The following SYT1 variants were observed in gnomAD, a reference collection of about 807,000 sequenced individuals.
SYT1 encodes synaptotagmin 1, also known as synaptotagmin-1.
A neutral mutation model predicts 44.8 loss-of-function variants in SYT1; 8 were observed. That is an observed-to-expected ratio of 0.18 (90% CI 0.10 to 0.32). The LOEUF (loss-of-function observed/expected upper bound fraction) is 0.32, where lower values mean the gene tolerates loss of function less well. Among genes scored for constraint, SYT1 ranks in the 10% least tolerant of loss-of-function variants. The pLI is 1.00. For missense variants in SYT1, 286 were observed against 509.3 expected (o/e 0.56, Z 4.22); for synonymous variants, 154 against 188.8 (o/e 0.82, Z 1.51).
chr12:79,179,716 G>T (rs914297412), intron 3 of SYT1, among the ~76,000 whole-genome samples: 1 of 151,512 alleles, frequency 6.6e-6, no homozygotes, highest in Admixed American at 6.6e-5. Flanking sequence ...CACCATGCCT[G>T]GCTGAAAACA....
At chr12:79,218,352 A>T (rs939244745) in intron 4 of SYT1, among the ~76,000 whole-genome samples, 1 of 152,232 alleles carries the variant, frequency 6.6e-6, no homozygotes, top group Non-Finnish European at 1.5e-5. Flanking sequence ...TGTTCTCACC[A>T]CAAAAATAAC....
At chr12:79,345,282 G>A (rs971128295) in intron 8 of SYT1, among the ~76,000 whole-genome samples, 1 of 152,014 alleles carries the variant, frequency 6.6e-6, no homozygotes, top group Non-Finnish European at 1.5e-5. Flanking sequence ...AATTTATAAC[G>A]ATTATTGAGG....
At chr12:79,121,195 C>T (rs1592766223) in intron 3 of SYT1, among the ~76,000 whole-genome samples, 1 of 151,976 alleles carries the variant, frequency 6.6e-6, no homozygotes, top group South Asian at 2.1e-4. Flanking sequence ...TTTCCAATCA[C>T]GAGCATCCCA....
chr12:78,901,632 G>A (rs1274130335), intron 1 of SYT1, among the ~76,000 whole-genome samples: 1 of 152,116 alleles, frequency 6.6e-6, no homozygotes, highest in Non-Finnish European at 1.5e-5. Context: ...AATTTGAAGA[G>A]ATAATTTGCT....
rs138452225 is a variant in SYT1 at position 79,035,379 on chromosome 12, T to C, written c.-83-11918T>C. On this transcript the variant is annotated intron_variant, in intron 2 of 10. Coordinates refer to ENST00000261205, the MANE Select transcript of SYT1 (RefSeq NM_005639.3). ...CAACATCCTCCATCCTTATAGGAAATGTGCAGAGTTTAGGCAGTTACCTTA... is the reference window on the plus strand; with the variant it reads ...CAACATCCTCCATCCTTATAGGAAACGTGCAGAGTTTAGGCAGTTACCTTA... 2.7e-3 allele frequency among the ~76,000 whole-genome samples: 415 copies of C among 151,884 alleles called. 2 individuals are homozygous for C. Among genetic ancestry groups the C allele is most frequent in the African/African-American group, 9.5e-3 (394 of 41,512 alleles).
intron 8 of SYT1, among the ~76,000 whole-genome samples, chr12:79,300,892 G>A (rs1880119308): frequency 6.8e-6 from 1 of 146,162 alleles, no homozygotes; most frequent in Admixed American, 6.9e-5. Context: ...TAGCCCTACT[G>A]TGGATATTCA....
At chr12:79,360,965 G>A (rs1883295494) in intron 9 of SYT1, among the ~76,000 whole-genome samples, 1 of 152,182 alleles carries the variant, frequency 6.6e-6, no homozygotes, top group Non-Finnish European at 1.5e-5. Context: ...AAAAGTTTTA[G>A]AGAAATGAGC....
At chr12:78,887,403 C>A (rs564097130) in intron 1 of SYT1, among the ~76,000 whole-genome samples, 1 of 151,900 alleles carries the variant, frequency 6.6e-6, no homozygotes, top group African/African-American at 2.4e-5. Context: ...CAAAGAGAAG[C>A]CATAAAGTGC....
chr12:79,279,406 G>A lies in SYT1; in HGVS notation c.167-6381G>A, dbSNP rs147581212. Among the ~76,000 whole-genome samples the A allele has an allele frequency of 8.5e-3, 1,287 of 152,042 alleles. 4 individuals are homozygous for A. Among genetic ancestry groups the A allele is most frequent in the Non-Finnish European group, 0.013 (853 of 67,894 alleles). The stretch of plus-strand genomic sequence containing the variant: ...AATTAAAAATAAAAACCATATGATC[G>A]TATCAATAGATGTAGAAAAATCATT... On this transcript the variant is annotated intron_variant, in intron 4 of 10. Coordinates refer to ENST00000261205, the MANE Select transcript of SYT1 (RefSeq NM_005639.3).
intron 4 of SYT1, among the ~76,000 whole-genome samples, chr12:79,271,699 T>C (rs1592917975): frequency 3.3e-5 from 5 of 152,336 alleles, no homozygotes; most frequent in East Asian, 3.9e-4. Flanking sequence ...AAAAACAGGC[T>C]TTCTTGATAA....
intron 3 of SYT1, among the ~76,000 whole-genome samples, chr12:79,074,456 C>G (rs1267082698): frequency 6.6e-6 from 1 of 152,156 alleles, no homozygotes; most frequent in African/African-American, 2.4e-5. Flanking sequence ...CTTCCCACAA[C>G]TAGTCTCTAG....
intron 4 of SYT1, among the ~76,000 whole-genome samples, chr12:79,230,021 T>C (rs1592875695): frequency 6.6e-6 from 1 of 152,214 alleles, no homozygotes; most frequent in East Asian, 1.9e-4. Flanking sequence ...CACAGGACCC[T>C]ACACATCCTG....
At chr12:79,019,236 A>G (rs915156955) in intron 2 of SYT1, among the ~76,000 whole-genome samples, 2 of 152,054 alleles carry the variant, frequency 1.3e-5, no homozygotes, top group African/African-American at 4.8e-5. Flanking sequence ...TTCGCAGTCT[A>G]TAAATATATA....
At chr12:79,003,984 C>G (rs138296030) in intron 2 of SYT1, among the ~76,000 whole-genome samples, 1 of 151,886 alleles carries the variant, frequency 6.6e-6, no homozygotes, top group African/African-American at 2.4e-5. Flanking sequence ...AGTTAACCTT[C>G]GTCTTTAGAG....
At chr12:79,176,073 C>G (rs190501192) in intron 3 of SYT1, among the ~76,000 whole-genome samples, 1 of 151,846 alleles carries the variant, frequency 6.6e-6, no homozygotes, top group Non-Finnish European at 1.5e-5. Flanking sequence ...GGTGGATCAC[C>G]TGATGTTCAG....
At chr12:79,345,896 G>T (rs1045902905) in intron 8 of SYT1, among the ~76,000 whole-genome samples, 1 of 152,246 alleles carries the variant, frequency 6.6e-6, no homozygotes, top group African/African-American at 2.4e-5. Flanking sequence ...GTCTCCATTT[G>T]TATGTCACCT....
intron 8 of SYT1, among the ~76,000 whole-genome samples, chr12:79,315,735 G>C (rs1881051925): frequency 6.6e-6 from 1 of 152,180 alleles, no homozygotes; most frequent in Admixed American, 6.5e-5. Context: ...TTGATATAAG[G>C]GCAGTACTAA....
At chr12:78,966,489 A>G (rs17046133) in intron 1 of SYT1, among the ~76,000 whole-genome samples, 10,982 of 152,202 alleles carry the variant, frequency 0.072, 439 homozygotes, top group African/African-American at 0.1. Context: ...ACTTAAATCT[A>G]CTACACCATC....
At chr12:78,993,808 A>G (rs968476717) in intron 2 of SYT1, among the ~76,000 whole-genome samples, 22 of 152,210 alleles carry the variant, frequency 1.4e-4, no homozygotes, top group African/African-American at 5.1e-4. Flanking sequence ...GCTTTTAAGT[A>G]TCCAAATTCT....
Sources: gnomAD v4.1 joint callset for allele counts (sites outside exome capture counted in the v4.1 genomes callset) on GRCh38, gnomAD v4.1.1 for gene constraint, MANE v1.5 for transcripts, NCBI Gene and HGNC (gene_info 2026-07-23, HGNC 2026-07-21) for gene names.